Variants in CNBD1 observed in about 807,000 individuals in gnomAD.
The protein encoded by CNBD1 is cyclic nucleotide-binding domain-containing protein 1.
CNBD1 carries 71 observed loss-of-function variants against 54.4 expected under a neutral mutation model. The observed-to-expected ratio is 1.30, with a 90% CI of 1.08 to 1.59. The LOEUF is 1.59. CNBD1 is among the 40% of genes most tolerant of loss of function. The pLI is 0.00. For synonymous variants in CNBD1, 182 were observed against 170.7 expected (o/e 1.07, Z -0.51); for missense variants, 659 against 518.0 (o/e 1.27, Z -2.64).
At chr8:86,919,842 T>G (rs2131823380) in intron 3 of CNBD1, among the ~76,000 whole-genome samples, 1 of 152,280 alleles carries the variant, frequency 6.6e-6, no homozygotes, top group Non-Finnish European at 1.5e-5. Flanking sequence ...TGCACAGATC[T>G]CCTGGGGAGC....
intron 6 of CNBD1, among the ~76,000 whole-genome samples, chr8:87,271,789 A>G (rs1050380448): frequency 2.7e-5 from 4 of 149,568 alleles, no homozygotes; most frequent in Non-Finnish European, 5.9e-5. Context: ...TAGTATATCA[A>G]AGGGATATCC....
intron 4 of CNBD1, among the ~76,000 whole-genome samples, chr8:86,968,910 C>A (rs1279809824): frequency 6.6e-6 from 1 of 152,142 alleles, no homozygotes; most frequent in African/African-American, 2.4e-5. Flanking sequence ...GATAAGCTAT[C>A]AATTTACATT....
At chr8:87,315,538 A>G (rs983012537) in intron 8 of CNBD1, among the ~76,000 whole-genome samples, 6 of 151,982 alleles carry the variant, frequency 3.9e-5, no homozygotes, top group Admixed American at 3.9e-4. Flanking sequence ...GCAAAAGAAT[A>G]GGAAGGTGCC....
At chr8:87,298,077 A>G (rs1321387823) in intron 8 of CNBD1, among the ~76,000 whole-genome samples, 1 of 151,946 alleles carries the variant, frequency 6.6e-6, no homozygotes, top group East Asian at 1.9e-4. Context: ...ATCAGGAAAC[A>G]ATATTTACAG....
At chr8:87,264,392 C>G (rs1808206058) in intron 6 of CNBD1, among the ~76,000 whole-genome samples, 1 of 152,150 alleles carries the variant, frequency 6.6e-6, no homozygotes, top group Admixed American at 6.5e-5. Flanking sequence ...TTAATCCAGT[C>G]TATCATTGTT....
At chr8:87,207,521 A>G (rs1814002304) in intron 5 of CNBD1, among the ~76,000 whole-genome samples, 1 of 152,044 alleles carries the variant, frequency 6.6e-6, no homozygotes, top group African/African-American at 2.4e-5. Flanking sequence ...CCAGAAGGAC[A>G]TTTCAAAAAT....
At chr8:87,150,744 T>G (rs2130748194) in intron 4 of CNBD1, among the ~76,000 whole-genome samples, 1 of 152,298 alleles carries the variant, frequency 6.6e-6, no homozygotes, top group South Asian at 2.1e-4. Context: ...TTGTGTTTGC[T>G]AATTGATACT....
chr8:87,395,206 G>A (rs1379744712), intron 2 of CNBD1, among the ~76,000 whole-genome samples: 2 of 151,816 alleles, frequency 1.3e-5, no homozygotes, highest in Non-Finnish European at 2.9e-5. Flanking sequence ...TTTGCGTTAT[G>A]TATTTTAAAG....
Position 87,083,880 on chromosome 8 carries a change from G to A in CNBD1, c.432-122113G>A, listed in dbSNP as rs1042129652. ...TGGGATTACAGGCTTGAGCCACCGCGCCTGGCCAAACCAATGTATTTCTTA... is the reference window on the plus strand; with the variant it reads ...TGGGATTACAGGCTTGAGCCACCGCACCTGGCCAAACCAATGTATTTCTTA... On this transcript the variant is annotated intron_variant, in intron 4 of 10. Transcript: ENST00000518476. Among the ~76,000 whole-genome samples the A allele has an allele frequency of 6.6e-5, 10 of 151,914 alleles. 1 individual carries two copies. The highest frequency in any genetic ancestry group is 6.2e-4 in the South Asian group (3 of 4,818).
chr8:86,964,650 G>A (rs1027723442), intron 4 of CNBD1, among the ~76,000 whole-genome samples: 3 of 152,210 alleles, frequency 2.0e-5, no homozygotes, highest in Admixed American at 1.3e-4. Flanking sequence ...CCACACATCT[G>A]TTGTAGGAGC....
chr8:87,150,094 G>A (rs34622484), intron 4 of CNBD1, among the ~76,000 whole-genome samples: 1,637 of 151,974 alleles, frequency 0.011, 20 homozygotes, highest in South Asian at 0.016. Flanking sequence ...GGAGAATGGC[G>A]TGAACCCGGG....
At chr8:86,878,909 T>G (rs1388601513) in intron 1 of CNBD1, among the ~76,000 whole-genome samples, 1 of 152,228 alleles carries the variant, frequency 6.6e-6, no homozygotes, top group Non-Finnish European at 1.5e-5. Flanking sequence ...CCTCTAACTT[T>G]TATGTTTTAC....
chr8:87,279,111 A>G (rs1005329289), intron 6 of CNBD1, among the ~76,000 whole-genome samples: 23 of 151,356 alleles, frequency 1.5e-4, no homozygotes, highest in African/African-American at 5.6e-4. Flanking sequence ...ACATATGTAA[A>G]GAAAAAAACA....
intron 8 of CNBD1, among the ~76,000 whole-genome samples, chr8:87,316,428 A>C (rs1809388923): frequency 6.6e-6 from 1 of 152,044 alleles, no homozygotes; most frequent in Admixed American, 6.6e-5. Flanking sequence ...TAGAAGTTAG[A>C]AAACAAGAAT....
chr8:87,033,541 G>A (rs2130597968), intron 4 of CNBD1, among the ~76,000 whole-genome samples: 1 of 152,282 alleles, frequency 6.6e-6, no homozygotes, highest in South Asian at 2.1e-4. Flanking sequence ...TCAGAGATTA[G>A]CAGCTTTATA....
intron 8 of CNBD1, among the ~76,000 whole-genome samples, chr8:87,310,079 A>G (rs1232006760): frequency 6.6e-6 from 1 of 152,068 alleles, no homozygotes; most frequent in Non-Finnish European, 1.5e-5. Flanking sequence ...TCCCAGACAG[A>G]TATGGTGGCT....
chr8:87,199,626 A>G (rs1813809990), intron 4 of CNBD1, among the ~76,000 whole-genome samples: 1 of 152,180 alleles, frequency 6.6e-6, no homozygotes, highest in Non-Finnish European at 1.5e-5. Context: ...TGTACAGTAG[A>G]TTGCTAGAAT....
rs754816841 is a variant in CNBD1 at position 86,939,635 on chromosome 8, A to C, written c.312A>C (p.Gln104His). 6.3e-7 allele frequency: 1 copy of C among 1,599,976 alleles called. No individual in the cohort carries two copies. The highest frequency in any genetic ancestry group is 1.1e-5 in the South Asian group (1 of 87,684). ...GCAAAGAGGAAAGTCAACATCAACA[A>C]CCTGATGATTCTAACAATATAGCTG... ...NEGKEESQHQ[Q>H]PDDSNNIAVH... is the part of the protein sequence containing the mutation. Residue 104 changes from glutamine (Q) to histidine (H), a missense_variant, in exon 4 of 11, where the codon CAA becomes CAC. By Grantham distance (24) the Gln-to-His change is conservative. Transcript: ENST00000518476.
chr8:87,088,787 T>C (rs895213780), intron 4 of CNBD1, among the ~76,000 whole-genome samples: 5 of 152,208 alleles, frequency 3.3e-5, no homozygotes, highest in African/African-American at 1.2e-4. Flanking sequence ...ATACAGAATG[T>C]GATATAACAG....
Sources: allele counts gnomAD v4.1 joint callset (sites outside exome capture counted in the v4.1 genomes callset), GRCh38; gene constraint gnomAD v4.1.1; transcripts MANE v1.5; gene names NCBI Gene and HGNC (gene_info 2026-07-23, HGNC 2026-07-21).